UGT1A3: variants seen among roughly 807,000 people sequenced by gnomAD.
The protein encoded by UGT1A3 is UDP-glucuronosyltransferase 1A3.
In UGT1A3, 31 loss-of-function variants were observed where a neutral mutation model predicts 41.0. The ratio of observed to expected loss-of-function variants is 0.76; its 90% CI spans 0.57 to 1.02. The LOEUF is 1.02. Among genes scored for constraint, UGT1A3 ranks in the 50% least tolerant of loss-of-function variants. The pLI is 0.00. For synonymous variants in UGT1A3, 262 were observed against 257.6 expected (o/e 1.02, Z -0.17); for missense variants, 737 against 671.0 (o/e 1.10, Z -1.09).
intron 1 of UGT1A3, among the ~76,000 whole-genome samples, chr2:233,759,123 C>G (rs1197152658): frequency 6.6e-6 from 1 of 152,198 alleles, no homozygotes; most frequent in East Asian, 1.9e-4. Flanking sequence ...GAGTTACAGC[C>G]TCTGGTACGC....
At position 233,760,222 on chromosome 2, in the gene UGT1A3, T is replaced by G. The variant is rs1346369593; in HGVS notation, c.868-6812T>G. On this transcript the variant is annotated intron_variant, in intron 1 of 4. Coordinates refer to ENST00000482026, the MANE Select transcript of UGT1A3 (RefSeq NM_019093.4). The stretch of plus-strand genomic sequence containing the variant: ...GTCAAACATTAACTTGGTGTATCGA[T>G]TGGTTTTTGCCATATATATATATAT... The G allele has an allele frequency of 2.5e-6, 4 of 1,591,036 alleles. No individual in the cohort carries two copies. The South Asian group carries it at 3.4e-5, about 13-fold the overall frequency.
chr2:233,766,694 C>G (rs996253647), intron 1 of UGT1A3, among the ~76,000 whole-genome samples: 7 of 152,162 alleles, frequency 4.6e-5, no homozygotes, highest in Non-Finnish European at 1.0e-4. Context: ...ATCACTGATG[C>G]CTTGCTCTGT....
At chr2:233,763,481 G>T (rs1698320129) in intron 1 of UGT1A3, among the ~76,000 whole-genome samples, 1 of 152,170 alleles carries the variant, frequency 6.6e-6, no homozygotes, top group Non-Finnish European at 1.5e-5. Context: ...AGATTTGATT[G>T]TAACTCTCTC....
chr2:233,743,649 C>T (rs754713764), intron 1 of UGT1A3: 21 of 1,367,286 alleles, frequency 1.5e-5, no homozygotes, highest in Non-Finnish European at 1.9e-5. Context: ...AAGCTGAAGA[C>T]GTACTCGAAG....
At chr2:233,762,315 G>T (rs565893517) in intron 1 of UGT1A3, among the ~76,000 whole-genome samples, 1 of 152,334 alleles carries the variant, frequency 6.6e-6, no homozygotes, top group South Asian at 2.1e-4. Context: ...TTAATGGGTC[G>T]AGAGTAATCC....
chr2:233,755,374 C>T (rs1205727870), intron 1 of UGT1A3: 2 of 355,400 alleles, frequency 5.6e-6, no homozygotes, highest in East Asian at 1.5e-4. Flanking sequence ...CCTGGAGGGC[C>T]GCCCCTTATG....
intron 1 of UGT1A3, chr2:233,741,376 C>T (rs1691643846): frequency 6.6e-6 from 1 of 151,824 alleles, no homozygotes; most frequent in Non-Finnish European, 1.5e-5. Flanking sequence ...ACTGCCCATG[C>T]CTTTCTACCA....
At chr2:233,765,776 G>T (rs1408785034) in intron 1 of UGT1A3, among the ~76,000 whole-genome samples, 1 of 151,906 alleles carries the variant, frequency 6.6e-6, no homozygotes, top group South Asian at 2.1e-4. Flanking sequence ...GGGATTCATT[G>T]GACCACTGAA....
intron 1 of UGT1A3, chr2:233,760,629 G>A: frequency 6.2e-7 from 1 of 1,614,104 alleles, no homozygotes; most frequent in East Asian, 2.2e-5. Context: ...AAACATACAA[G>A]AAAATAAAAA....
At position 233,729,097 on chromosome 2, in the gene UGT1A3, G is replaced by A; in HGVS notation, c.-30G>A. 3.1e-6 allele frequency: 5 copies of A among 1,612,664 alleles called. No homozygotes were observed. The highest frequency in any genetic ancestry group is 4.2e-6 in the Non-Finnish European group (5 of 1,179,922). ...AATGTAGCAGGCACAGCGTGGGGTG[G>A]ACAGTCAGCTGTCCGTGTCTTCTGC... On this transcript the variant is annotated 5_prime_UTR_variant, in exon 1 of 5. Coordinates refer to ENST00000482026, the MANE Select transcript of UGT1A3 (RefSeq NM_019093.4).
At chr2:233,748,883 A>T (rs1047977403) in intron 1 of UGT1A3, among the ~76,000 whole-genome samples, 3 of 151,568 alleles carry the variant, frequency 2.0e-5, no homozygotes, top group African/African-American at 7.3e-5. Context: ...TGATGAATGG[A>T]CATGTGTCCA....
At chr2:233,752,366 A>C (rs1575711623) in intron 1 of UGT1A3, 1 of 152,202 alleles carries the variant, frequency 6.6e-6, no homozygotes, top group Non-Finnish European at 1.5e-5. Context: ...TAGGGGTCTC[A>C]AGAGGGTCAT....
intron 1 of UGT1A3, chr2:233,753,144 A>G (rs1203903017): frequency 6.6e-6 from 1 of 152,210 alleles, no homozygotes; most frequent in Non-Finnish European, 1.5e-5. Context: ...ATCTTCACAC[A>G]TGTAAGTTCC....
chr2:233,734,671 A>T (rs1355511130), intron 1 of UGT1A3, among the ~76,000 whole-genome samples: 2 of 152,154 alleles, frequency 1.3e-5, no homozygotes, highest in African/African-American at 4.8e-5. Context: ...ATTTCCCTCT[A>T]CACACTGATT....
In UGT1A3 at chr2:233,772,302, G is replaced by A. The variant is rs1458644938; in HGVS notation, c.1348G>A (p.Asp450Asn). Residue 450 changes from aspartate to asparagine, a missense_variant, in exon 5 of 5, where the codon GAC becomes AAC. Physicochemically the swap from Asp to Asn is conservative, Grantham distance 23. Coordinates refer to ENST00000482026, the MANE Select transcript of UGT1A3 (RefSeq NM_019093.4). ...CATGCGCCTCTCCAGCCTTCACAAG[G>A]ACCGCCCGGTGGAGCCGCTGGACCT... ...NIMRLSSLHK[D>N]RPVEPLDLAV... 1 of 1,614,232 alleles carries A rather than the reference G, an allele frequency of 6.2e-7. No individual in the cohort carries two copies.
At chr2:233,767,269 G>T in intron 2 of UGT1A3, 104 bp downstream of exon 2, 1 of 1,582,682 alleles carries the variant, frequency 6.3e-7, no homozygotes, top group South Asian at 1.2e-5. Flanking sequence ...CTTAGATTTG[G>T]CTTTTCCCTG....
chr2:233,771,872 A>G (rs1206206288), intron 4 of UGT1A3, among the ~76,000 whole-genome samples: 1 of 140,570 alleles, frequency 7.1e-6, no homozygotes, highest in East Asian at 2.2e-4. Flanking sequence ...AACATTTATT[A>G]AGAATAAGTT....
chr2:233,768,549 A>C, intron 4 of UGT1A3, 110 bp downstream of exon 4: 1 of 1,483,956 alleles, frequency 6.7e-7, no homozygotes, highest in Non-Finnish European at 8.9e-7. Flanking sequence ...AAATATAAAA[A>C]CAAATACATA....
chr2:233,765,343 C>G (rs189255390), intron 1 of UGT1A3, among the ~76,000 whole-genome samples: 22 of 152,252 alleles, frequency 1.4e-4, no homozygotes, highest in African/African-American at 5.3e-4. Flanking sequence ...ATAACAAAGT[C>G]ATGGAACCAA....
Sources: gnomAD v4.1 joint callset for allele counts (sites outside exome capture counted in the v4.1 genomes callset) on GRCh38, gnomAD v4.1.1 for gene constraint, MANE v1.5 for transcripts, NCBI Gene and HGNC (gene_info 2026-07-23, HGNC 2026-07-21) for gene names.